EFCAB6: variants seen among roughly 807,000 people sequenced by gnomAD.
The protein encoded by EFCAB6 is EF-hand calcium binding domain 6.
Under a neutral mutation model 169.8 loss-of-function variants are expected in EFCAB6, and 156 were observed. That is an observed-to-expected ratio of 0.92 (90% CI 0.81 to 1.05). The LOEUF (loss-of-function observed/expected upper bound fraction) is 1.05, where lower values mean the gene tolerates loss of function less well. Among genes scored for constraint, EFCAB6 ranks in the 50% least tolerant of loss-of-function variants. The pLI, the probability that EFCAB6 is intolerant of heterozygous loss-of-function variation, is 0.00. For missense variants in EFCAB6, 1,800 were observed against 1,829.1 expected (o/e 0.98, Z 0.29); for synonymous variants, 698 against 676.4 (o/e 1.03, Z -0.50).
intron 12 of EFCAB6, among the ~76,000 whole-genome samples, chr22:43,680,985 C>A (rs1351825791): frequency 6.6e-6 from 1 of 152,166 alleles, no homozygotes; most frequent in Non-Finnish European, 1.5e-5. Context: ...CTGTCCAGAA[C>A]TCTAGCACAG....
chr22:43,646,556 T>C (rs2056169668), intron 17 of EFCAB6, among the ~76,000 whole-genome samples: 2 of 152,182 alleles, frequency 1.3e-5, no homozygotes. Context: ...ATGTAGACCC[T>C]AGCATAATGA....
At chr22:43,599,982 A>C in intron 23 of EFCAB6, 87 bp downstream of exon 23, 544 of 1,227,682 alleles carry the variant, frequency 4.4e-4, no homozygotes, top group Middle Eastern at 5.6e-4. Context: ...CAGCATGGGA[A>C]GGTACCATTT....
At chr22:43,623,703 G>T (rs1165992675) in intron 20 of EFCAB6, among the ~76,000 whole-genome samples, 1 of 148,080 alleles carries the variant, frequency 6.8e-6, no homozygotes, top group Non-Finnish European at 1.5e-5. Flanking sequence ...AGACCATCCT[G>T]GCTAACATAG....
chr22:43,788,890 T>C lies in EFCAB6; in HGVS notation c.-7-6565A>G, dbSNP rs1024618461. Among the ~76,000 whole-genome samples, 3 of 152,376 alleles carry C rather than the reference T, an allele frequency of 2.0e-5. No individual in the cohort carries two copies. The East Asian group carries it at 5.8e-4, about 29-fold the overall frequency. On this transcript the variant is annotated intron_variant, in intron 2 of 31. Coordinates refer to ENST00000262726, the MANE Select transcript of EFCAB6 (RefSeq NM_022785.4). ...AGTGGTAGATCTGTTCAGTGGACTA[T>C]TATTCAGCCCTAAAAAGGAATGAAG...
chr22:43,530,720 C>T (rs1332281273), intron 31 of EFCAB6, 95 bp downstream of exon 31: 4 of 1,567,350 alleles, frequency 2.6e-6, no homozygotes, highest in African/African-American at 1.4e-5. Context: ...ACCGGGCCTT[C>T]GGCAGCAGGT....
At chr22:43,565,972 A>T (rs572423777) in intron 26 of EFCAB6, among the ~76,000 whole-genome samples, 22 of 152,022 alleles carry the variant, frequency 1.4e-4, no homozygotes, top group African/African-American at 5.3e-4. Flanking sequence ...CAGTGAATAA[A>T]TGAATGCTAA....
chr22:43,565,002 A>G (rs904598054), intron 26 of EFCAB6, among the ~76,000 whole-genome samples: 1 of 152,168 alleles, frequency 6.6e-6, no homozygotes, highest in Non-Finnish European at 1.5e-5. Context: ...GTCTGTGTGC[A>G]TGCCCTTTGC....
At chr22:43,749,094 G>A (rs2060666004) in intron 6 of EFCAB6, among the ~76,000 whole-genome samples, 1 of 152,166 alleles carries the variant, frequency 6.6e-6, no homozygotes, top group Non-Finnish European at 1.5e-5. Context: ...CCGGGTTTGG[G>A]ATCTAGTTCA....
intron 27 of EFCAB6, among the ~76,000 whole-genome samples, chr22:43,541,943 A>G (rs1284085556): frequency 6.6e-6 from 1 of 152,264 alleles, no homozygotes; most frequent in Non-Finnish European, 1.5e-5. Flanking sequence ...TAAGAGACTC[A>G]CATGGTCAGA....
chr22:43,679,858 AG>A (rs974145786), intron 12 of EFCAB6, among the ~76,000 whole-genome samples: 1 of 152,200 alleles, frequency 6.6e-6, no homozygotes, highest in Admixed American at 6.5e-5. Context: ...GAGTTGTAAA[AG>A]TACTTGTATG....
Position 43,534,891 on chromosome 22 carries a change from G to C in EFCAB6, c.4049-19C>G. 1 of 1,588,412 alleles carries C rather than the reference G, an allele frequency of 6.3e-7. No individual in the cohort carries two copies. Among genetic ancestry groups the C allele is most frequent in the Non-Finnish European group, 8.6e-7 (1 of 1,168,576 alleles). On this transcript the variant is annotated intron_variant, in intron 29 of 31. Transcript: ENST00000262726. Reference sequence around the variant, plus strand: ...ACAAGAGCTACAGAAAAAAATGGCAGTTCAATTGGTGGCGATTCATTCATT... The same window carrying C: ...ACAAGAGCTACAGAAAAAAATGGCACTTCAATTGGTGGCGATTCATTCATT...
intron 24 of EFCAB6, among the ~76,000 whole-genome samples, chr22:43,581,569 T>C (rs544943159): frequency 6.6e-5 from 10 of 152,368 alleles, no homozygotes; most frequent in African/African-American, 2.4e-4. Flanking sequence ...AAAGTTTAAT[T>C]GCATTCAAAG....
In EFCAB6 at chr22:43,551,383, G is replaced by A. The variant is rs571359022; in HGVS notation, c.3648+3486C>T. ...ATTACACTGGTGCAAAAGTAATTACGGTCTTTACTTTCAATGGCAAAGACC... is the reference window on the plus strand; with the variant it reads ...ATTACACTGGTGCAAAAGTAATTACAGTCTTTACTTTCAATGGCAAAGACC... On this transcript the variant is annotated intron_variant, in intron 27 of 31. Transcript: ENST00000262726. 4.9e-4 allele frequency among the ~76,000 whole-genome samples: 74 copies of A among 152,240 alleles called. 1 individual carries two copies. Among genetic ancestry groups the A allele is most frequent in the Middle Eastern group, 3.4e-3 (1 of 294 alleles).
At chr22:43,724,325 G>C (rs889833290) in intron 8 of EFCAB6, among the ~76,000 whole-genome samples, 1 of 149,620 alleles carries the variant, frequency 6.7e-6, no homozygotes, top group South Asian at 2.1e-4. Flanking sequence ...CTCAGACCTT[G>C]TCAGAATGGT....
At chr22:43,783,277 G>C (rs1208249365) in intron 2 of EFCAB6, among the ~76,000 whole-genome samples, 1 of 152,170 alleles carries the variant, frequency 6.6e-6, no homozygotes, top group African/African-American at 2.4e-5. Context: ...AAAGCTTCAA[G>C]GGAAAAGCTG....
chr22:43,673,031 C>T (rs1265722689), intron 13 of EFCAB6, among the ~76,000 whole-genome samples: 4 of 152,076 alleles, frequency 2.6e-5, no homozygotes, highest in African/African-American at 7.2e-5. Context: ...CAAAAGTAAG[C>T]AAATTACCTG....
At chr22:43,684,653 C>A (rs891937964) in intron 11 of EFCAB6, among the ~76,000 whole-genome samples, 11 of 152,244 alleles carry the variant, frequency 7.2e-5, no homozygotes, top group African/African-American at 2.7e-4. Flanking sequence ...TTAGCTTCTT[C>A]CGTTTGTGCA....
At chr22:43,702,784 C>A (rs1307053413) in intron 10 of EFCAB6, among the ~76,000 whole-genome samples, 1 of 152,158 alleles carries the variant, frequency 6.6e-6, no homozygotes, top group Non-Finnish European at 1.5e-5. Flanking sequence ...TAATAACTCC[C>A]AGAAATAAAA....
At chr22:43,622,867 AAGT>A (rs1445468240) in intron 20 of EFCAB6, among the ~76,000 whole-genome samples, 1 of 152,176 alleles carries the variant, frequency 6.6e-6, no homozygotes, top group Admixed American at 6.5e-5. Flanking sequence ...GCAGTGCCCA[AAGT>A]TCTACAGTAT....
Sources: allele counts gnomAD v4.1 joint callset (sites outside exome capture counted in the v4.1 genomes callset), GRCh38; gene constraint gnomAD v4.1.1; transcripts MANE v1.5; gene names NCBI Gene and HGNC (gene_info 2026-07-23, HGNC 2026-07-21).